Variants in TSNARE1 observed in about 807,000 individuals in gnomAD.
TSNARE1 encodes t-SNARE domain containing 1, also known as t-SNARE domain-containing protein 1.
TSNARE1 carries 49 observed loss-of-function variants against 62.0 expected under a neutral mutation model. The observed-to-expected ratio is 0.79, with a 90% CI of 0.63 to 1.00. The LOEUF is 1.00. Among genes scored for constraint, TSNARE1 ranks in the 50% least tolerant of loss-of-function variants. The probability of loss-of-function intolerance (pLI) is 0.00; values close to 1 mark genes in which losing one functional copy is unlikely to be tolerated. For missense variants in TSNARE1, 755 were observed against 700.1 expected (o/e 1.08, Z -0.88); for synonymous variants, 328 against 294.4 (o/e 1.11, Z -1.17).
At chr8:142,389,921 C>G (rs1420617424) in intron 1 of TSNARE1, among the ~76,000 whole-genome samples, 2 of 152,138 alleles carry the variant, frequency 1.3e-5, no homozygotes, top group African/African-American at 4.8e-5. Context: ...CTTCACACAC[C>G]AAATGCTGGA....
In TSNARE1 at chr8:142,234,299, A is replaced by G. The variant is rs867582233; in HGVS notation, c.1447-4720T>C. Among the ~76,000 whole-genome samples the G allele has an allele frequency of 2.4e-3, 201 of 82,278 alleles. No individual in the cohort carries two copies. In the Middle Eastern group the frequency reaches 0.036, roughly 15 times the overall value. 54.0% of individuals were successfully genotyped at this position (82,278 alleles called of 152,430 possible). On this transcript the variant is annotated intron_variant, in intron 12 of 13. Coordinates refer to ENST00000524325, the MANE Select transcript of TSNARE1 (RefSeq NM_145003.5). ...AAGATGGCTCCATGACCCCAACCAC[A>G]GGTTCAGGGAAAGCTCCAAGATGGC...
chr8:142,327,150 A>G (rs1021824818), intron 6 of TSNARE1, among the ~76,000 whole-genome samples: 4 of 152,264 alleles, frequency 2.6e-5, no homozygotes, highest in Non-Finnish European at 5.9e-5. Flanking sequence ...ACACCCACGC[A>G]AACACCTACC....
chr8:142,308,441 G>A lies in TSNARE1; in HGVS notation c.1131+5943C>T, dbSNP rs186488890. ...TCCAGTTCAAACATCCGAGTGATCC[G>A]TATCAAGCTCTGAATGAATCACCCA... is the stretch of plus-strand genomic sequence containing the variant. On this transcript the variant is annotated intron_variant, in intron 9 of 13. Transcript: ENST00000524325. Among the ~76,000 whole-genome samples the A allele has an allele frequency of 3.0e-3, 462 of 152,260 alleles. 3 individuals carry two copies. The Middle Eastern group carries it at 0.031, about 10-fold the overall frequency.
At chr8:142,352,226 C>T (rs1434182670) in intron 2 of TSNARE1, among the ~76,000 whole-genome samples, 1 of 152,234 alleles carries the variant, frequency 6.6e-6, no homozygotes, top group East Asian at 1.9e-4. Flanking sequence ...AAGAGAAAAG[C>T]AGACAAACAG....
At chr8:142,237,378 C>T (rs1817486114) in intron 12 of TSNARE1, among the ~76,000 whole-genome samples, 1 of 152,206 alleles carries the variant, frequency 6.6e-6, no homozygotes, top group African/African-American at 2.4e-5. Context: ...ACACGGGCGG[C>T]TCGTGGTTTT....
intron 10 of TSNARE1, among the ~76,000 whole-genome samples, chr8:142,296,415 G>A (rs1171295098): frequency 7.3e-6 from 1 of 136,590 alleles, no homozygotes; most frequent in Non-Finnish European, 1.6e-5. Flanking sequence ...TGGAGGAGAG[G>A]TGGTCACTGT....
intron 12 of TSNARE1, among the ~76,000 whole-genome samples, chr8:142,238,437 C>A (rs1188841124): frequency 6.6e-6 from 1 of 152,192 alleles, no homozygotes; most frequent in Non-Finnish European, 1.5e-5. Flanking sequence ...AACCCTGCCG[C>A]TGAGCCCAGT....
intron 11 of TSNARE1, among the ~76,000 whole-genome samples, chr8:142,282,454 T>TAAGCAAAGGGGAGGTCACTGTCTGTCAAA (rs1821691271): frequency 3.3e-5 from 5 of 151,574 alleles, no homozygotes; most frequent in Admixed American, 3.3e-4. Context: ...TGTCTATCAA[T>TAAGCAAAGGGGAGGTCACTGTCTGTCAAA]GAGCAAAGGG....
intron 12 of TSNARE1, among the ~76,000 whole-genome samples, chr8:142,256,710 C>T (rs1023609668): frequency 7.9e-5 from 12 of 152,252 alleles, no homozygotes; most frequent in South Asian, 2.1e-4. Context: ...TACAGGAGAG[C>T]GCAATGAGGA....
chr8:142,359,372 C>A (rs1834988569), intron 1 of TSNARE1, among the ~76,000 whole-genome samples: 1 of 152,184 alleles, frequency 6.6e-6, no homozygotes, highest in South Asian at 2.1e-4. Flanking sequence ...TGCATCATCA[C>A]CCCAGCCCTG....
At chr8:142,249,451 G>T (rs930315894) in intron 12 of TSNARE1, among the ~76,000 whole-genome samples, 2 of 152,124 alleles carry the variant, frequency 1.3e-5, no homozygotes, top group East Asian at 3.9e-4. Context: ...ACCTGGAAAG[G>T]GGGGTTTGGG....
Position 142,300,144 on chromosome 8 carries a change from T to A in TSNARE1, c.1290+342A>T, listed in dbSNP as rs1278992161. 9 of 208,648 alleles carry A rather than the reference T, an allele frequency of 4.3e-5. No individual in the cohort carries two copies. In the East Asian group the frequency reaches 8.7e-4, roughly 20 times the overall value. 12.9% of individuals were successfully genotyped at this position (208,648 alleles called of 1,614,324 possible). On this transcript the variant is annotated intron_variant, in intron 10 of 13. Coordinates refer to ENST00000524325, the MANE Select transcript of TSNARE1 (RefSeq NM_145003.5). Reference sequence around the variant, plus strand: ...AGCACCAAATCATCTTCATTAGAGCTAAACAGCCTCCTGGAAGTCTAACCA... The same window carrying A: ...AGCACCAAATCATCTTCATTAGAGCAAAACAGCCTCCTGGAAGTCTAACCA...
At chr8:142,312,559 G>A (rs1016679934) in intron 9 of TSNARE1, among the ~76,000 whole-genome samples, 5 of 152,136 alleles carry the variant, frequency 3.3e-5, no homozygotes, top group African/African-American at 1.2e-4. Flanking sequence ...CCCTCCTCCT[G>A]GGTGGGCCTT....
At chr8:142,221,649 T>C (rs1271552418) in intron 13 of TSNARE1, among the ~76,000 whole-genome samples, 1 of 151,772 alleles carries the variant, frequency 6.6e-6, no homozygotes, top group Non-Finnish European at 1.5e-5. Context: ...ACTCGTTCAT[T>C]CATCCACTCA....
intron 11 of TSNARE1, among the ~76,000 whole-genome samples, chr8:142,280,809 G>A (rs1236259072): frequency 2.0e-5 from 3 of 152,134 alleles, no homozygotes; most frequent in Admixed American, 2.0e-4. Context: ...GGGGAGGACA[G>A]AGCGATAGGA....
At chr8:142,232,481 G>A (rs944787788) in intron 12 of TSNARE1, among the ~76,000 whole-genome samples, 2 of 152,376 alleles carry the variant, frequency 1.3e-5, no homozygotes, top group South Asian at 2.1e-4. Flanking sequence ...ACAAATGAGG[G>A]GAGGGCGGCC....
chr8:142,285,078 G>A (rs1290315337), intron 10 of TSNARE1, among the ~76,000 whole-genome samples: 2 of 152,208 alleles, frequency 1.3e-5, no homozygotes, highest in Middle Eastern at 3.2e-3. Context: ...GGGTGGATGG[G>A]TAGATGAAAG....
At position 142,275,535 on chromosome 8, in the gene TSNARE1, T is replaced by C. The variant is rs79921261; in HGVS notation, c.1364-672A>G. On this transcript the variant is annotated intron_variant, in intron 11 of 13. Transcript: ENST00000524325. ...GATCCGGAAGATTCCATGCTCAGCA[T>C]TGTCTTCCACCCAAAGGAAGGACAC... 561 of 985,376 alleles carry C rather than the reference T, an allele frequency of 5.7e-4. 1 individual carries two copies. In the African/African-American group the frequency reaches 7.8e-3, roughly 14 times the overall value. 61.0% of individuals were successfully genotyped at this position (985,376 alleles called of 1,614,324 possible).
Position 142,354,702 on chromosome 8 carries a change from C to A in TSNARE1, c.23G>T (p.Arg8Leu). ...GCCACGGCTCCCCAGGCCACCTCCACGGGCGATGGATCCGTATGACATCTT... is the reference window on the plus strand; with the variant it reads ...GCCACGGCTCCCCAGGCCACCTCCAAGGGCGATGGATCCGTATGACATCTT... MSYGSIA[R>L]GGGLGSRGPF... The change falls in exon 2 of 14, where the codon CGT (arginine) becomes CTT (leucine). Residue 8 changes from arginine to leucine, a missense_variant. Transcript: ENST00000524325. 3.1e-6 allele frequency: 5 copies of A among 1,613,590 alleles called. No homozygotes were observed. The highest frequency in any genetic ancestry group is 4.2e-6 in the Non-Finnish European group (5 of 1,179,826).
Sources: gnomAD v4.1 joint callset for allele counts (sites outside exome capture counted in the v4.1 genomes callset) on GRCh38, gnomAD v4.1.1 for gene constraint, MANE v1.5 for transcripts, NCBI Gene and HGNC (gene_info 2026-07-23, HGNC 2026-07-21) for gene names.